RCE1: variants seen among roughly 807,000 people sequenced by gnomAD.
RCE1 encodes the protein CAAX prenyl protease 2.
Under a neutral mutation model 35.0 loss-of-function variants are expected in RCE1, and 15 were observed. The observed-to-expected ratio is 0.43, with a 90% CI of 0.29 to 0.66. RCE1 has a LOEUF of 0.66. RCE1 is among the 30% of genes least tolerant of loss of function. RCE1 has a pLI of 0.17. For missense variants in RCE1, 434 were observed against 433.0 expected, an observed-to-expected ratio of 1.00 and a Z score of -0.02; for synonymous variants, 261 against 192.7, an observed-to-expected ratio of 1.35 and a Z score of -2.94.
chr11:66,844,779 T>C, intron 4 of RCE1, 90 bp from the exon 5 acceptor site: 1 of 1,445,768 alleles, frequency 6.9e-7, no homozygotes, highest in Admixed American at 2.8e-5. Context: ...TTGGCCAGGG[T>C]AAAGTTGTGG....
At position 66,845,023 on chromosome 11, in the gene RCE1, C is replaced by G. The variant is rs773548526; in HGVS notation, c.606C>G (p.Leu202=). 4 of 1,596,608 alleles carry G rather than the reference C, an allele frequency of 2.5e-6. No individual in the cohort carries two copies. The South Asian group carries it at 3.4e-5, about 13-fold the overall frequency. The change falls in exon 5 of 8, where the codon CTC becomes CTG. Residue 202 remains leucine, a synonymous_variant. Transcript: ENST00000309657. The part of the protein sequence containing the change: ...GLGPAVFTCP[L]FFGVAHFHHI... ...GCCCTGCTGTGTTCACCTGCCCGCT[C>G]TTTTTTGGAGTTGGTGAGTCTGGCC...
In RCE1 at chr11:66,845,960, G is replaced by A. The variant is rs572617052; in HGVS notation, c.855G>A (p.Leu285=). ...ALEHPQRRPL[L]AGYALGVGLF... Reference sequence around the variant, plus strand: ...AGCACCCACAGAGGCGGCCCCTGCTGGCAGGCTATGCCCTGGGTGTGGGAC... The same window carrying A: ...AGCACCCACAGAGGCGGCCCCTGCTAGCAGGCTATGCCCTGGGTGTGGGAC... Residue 285 remains leucine, a synonymous_variant, in exon 8 of 8, where the codon CTG becomes CTA. Coordinates refer to ENST00000309657, the MANE Select transcript of RCE1 (RefSeq NM_005133.3). 1 of 1,613,814 alleles carries A rather than the reference G, an allele frequency of 6.2e-7. No homozygotes were observed. The highest frequency in any genetic ancestry group is 1.3e-5 in the African/African-American group (1 of 75,064).
At chr11:66,844,539 A>G (rs1945165257) in intron 4 of RCE1, among the ~76,000 whole-genome samples, 175 bp downstream of exon 4, 1 of 152,166 alleles carries the variant, frequency 6.6e-6, no homozygotes, top group Non-Finnish European at 1.5e-5. Flanking sequence ...TTGATTGCCA[A>G]CGTCCAAGGA....
chr11:66,843,501 C>T lies in RCE1; in HGVS notation c.46C>T (p.Arg16Trp). 6.7e-7 allele frequency: 1 copy of T among 1,487,804 alleles called. No homozygotes were observed. Among genetic ancestry groups the T allele is most frequent in the Non-Finnish European group, 8.9e-7 (1 of 1,129,554 alleles). 92.2% of individuals were successfully genotyped at this position (1,487,804 alleles called of 1,614,324 possible). A position where few individuals can be genotyped will look rare whatever the true frequency, so the allele number is the denominator to read the frequency against. ...TGGGCTGCGACTGCTGTCGGTGTCG[C>T]GGCCGGAGCGGCCGCCCGAGTCGGC... The part of the protein sequence containing the change: ...GDGLRLLSVS[R>W]PERPPESAAL... Residue 16 changes from arginine to tryptophan, a missense_variant, in exon 1 of 8, where the codon CGG becomes TGG. Physicochemically the swap from Arg to Trp is moderately radical, Grantham distance 101. Transcript: ENST00000309657.
rs1222483797 is a variant in RCE1 at position 66,845,489 on chromosome 11, C to T, written c.692-11C>T. ...TGCAGGTGTGGTCACTCGTGGCCTC[C>T]CCGTCTCCAGCGTTCCAGTTCTCCT... is the stretch of plus-strand genomic sequence containing the variant. On this transcript the variant is annotated splice_polypyrimidine_tract_variant and intron_variant, in intron 6 of 7. Coordinates refer to ENST00000309657, the MANE Select transcript of RCE1 (RefSeq NM_005133.3). 1 of 1,614,120 alleles carries T rather than the reference C, an allele frequency of 6.2e-7. No homozygotes were observed. Among genetic ancestry groups the T allele is most frequent in the Admixed American group, 1.7e-5 (1 of 60,024 alleles).
At chr11:66,843,721 C>T (rs776843939) in intron 1 of RCE1, 38 bp from the exon 2 acceptor site, 2 of 1,607,916 alleles carry the variant, frequency 1.2e-6, no homozygotes, top group South Asian at 1.1e-5. Flanking sequence ...TGCTCATGGG[C>T]AGCCGCGGGC....
chr11:66,845,387 C>A, intron 6 of RCE1, 113 bp from the exon 7 acceptor site: 1 of 1,580,456 alleles, frequency 6.3e-7, no homozygotes, highest in Non-Finnish European at 8.7e-7. Context: ...GGTGGTGGGG[C>A]AGGCAGCTAC....
chr11:66,845,688 C>G lies in RCE1; in HGVS notation c.754+126C>G, dbSNP rs1020291595. ...CCTTGAGACAGGCTGAGCCAGAGCCCTCAGCCTGGTGAGGTCTGAGAGGTG... is the reference window on the plus strand; with the variant it reads ...CCTTGAGACAGGCTGAGCCAGAGCCGTCAGCCTGGTGAGGTCTGAGAGGTG... On this transcript the variant is annotated intron_variant, in intron 7 of 7. Transcript: ENST00000309657. 7.3e-5 allele frequency: 111 copies of G among 1,527,444 alleles called. 1 individual carries two copies. Among genetic ancestry groups the G allele is most frequent in the Non-Finnish European group, 7.0e-5 (78 of 1,117,378 alleles). The allele number at this position is 1,527,444 out of a possible 1,614,324, so 94.6% of individuals were successfully genotyped here. A position where few individuals can be genotyped will look rare whatever the true frequency, so the allele number is the denominator to read the frequency against.
rs769003976 is a variant in RCE1 at position 66,846,124 on chromosome 11, T to C, written c.*29T>C. 5.8e-6 allele frequency: 9 copies of C among 1,554,644 alleles called. No homozygotes were observed. The highest frequency in any genetic ancestry group is 2.3e-5 in the East Asian group (1 of 44,272). Reference sequence around the variant, plus strand: ...ATGCTCCTGGATACGCTATGAACTCTCACCGGCTCCCCAGCCCTCCCCACC... The same window carrying C: ...ATGCTCCTGGATACGCTATGAACTCCCACCGGCTCCCCAGCCCTCCCCACC... On this transcript the variant is annotated 3_prime_UTR_variant, in exon 8 of 8. Coordinates refer to ENST00000309657, the MANE Select transcript of RCE1 (RefSeq NM_005133.3).
In RCE1 at chr11:66,846,045, T is replaced by C. The variant is rs1259785560; in HGVS notation, c.940T>C (p.Cys314Arg). The C allele has an allele frequency of 6.2e-7, 1 of 1,613,544 alleles. No homozygotes were observed. The highest frequency in any genetic ancestry group is 8.5e-7 in the Non-Finnish European group (1 of 1,179,996). The change falls in exon 8 of 8, where the codon TGT becomes CGT. Residue 314 changes from cysteine to arginine, a missense_variant. Transcript: ENST00000309657. ...DPKLYGSLPLCVLLERAGDSE... is the reference protein window; with the variant it reads ...DPKLYGSLPLRVLLERAGDSE... ...CAAGCTCTACGGCAGCCTTCCCCTT[T>C]GTGTGCTTTTGGAGCGGGCAGGGGA... is the stretch of plus-strand genomic sequence containing the variant.
intron 7 of RCE1, 103 bp from the exon 8 acceptor site, chr11:66,845,757 G>T (rs969343683): frequency 6.7e-7 from 1 of 1,499,652 alleles, no homozygotes; most frequent in African/African-American, 1.4e-5. Context: ...GGCTGGGGTA[G>T]TGGGATCTTG....
At position 66,843,582 on chromosome 11, in the gene RCE1, C is replaced by G. The variant is rs759671551; in HGVS notation, c.127C>G (p.Leu43Val). Residue 43 changes from leucine (L) to valine (V), a missense_variant, in exon 1 of 8, where the codon CTC becomes GTC. By Grantham distance (32) the Leu-to-Val change is conservative. Transcript: ENST00000309657. Reference sequence around the variant, plus strand: ...CTGCTGGGTGTCAGTGTTCTCCTGCCTCAGCCTCGCCTGCTCCTACGTGGG... The same window carrying G: ...CTGCTGGGTGTCAGTGTTCTCCTGCGTCAGCCTCGCCTGCTCCTACGTGGG... Reference protein sequence around the residue: ...LCCWVSVFSCLSLACSYVGSL... With the variant: ...LCCWVSVFSCVSLACSYVGSL... The G allele has an allele frequency of 6.3e-7, 1 of 1,586,216 alleles. No individual in the cohort carries two copies. Among genetic ancestry groups the G allele is most frequent in the South Asian group, 1.1e-5 (1 of 88,994 alleles).
At chr11:66,844,725 G>T in intron 4 of RCE1, 144 bp from the exon 5 acceptor site, 1 of 1,207,576 alleles carries the variant, frequency 8.3e-7, no homozygotes, top group South Asian at 1.8e-5. Flanking sequence ...GTTTATGTTG[G>T]GTCCACACCC....
chr11:66,843,734 C>G (rs1315007975), intron 1 of RCE1, 25 bp from the exon 2 acceptor site: 1 of 1,611,392 alleles, frequency 6.2e-7, no homozygotes, highest in Non-Finnish European at 8.5e-7. Context: ...CCGCGGGCCC[C>G]CTGAACTTAC....
At chr11:66,844,506 T>A in intron 4 of RCE1, 142 bp downstream of exon 4, 1 of 1,185,634 alleles carries the variant, frequency 8.4e-7, no homozygotes, top group Non-Finnish European at 1.2e-6. Context: ...AATGGAAACA[T>A]AGAGCTAGGT....
In RCE1 at chr11:66,845,485, C is replaced by T; in HGVS notation, c.692-15C>T. 1 of 1,614,106 alleles carries T rather than the reference C, an allele frequency of 6.2e-7. No individual in the cohort carries two copies. Among genetic ancestry groups the T allele is most frequent in the Non-Finnish European group, 8.5e-7 (1 of 1,180,008 alleles). On this transcript the variant is annotated splice_polypyrimidine_tract_variant and intron_variant, in intron 6 of 7. Transcript: ENST00000309657. Reference sequence around the variant, plus strand: ...GGCGTGCAGGTGTGGTCACTCGTGGCCTCCCCGTCTCCAGCGTTCCAGTTC... The same window carrying T: ...GGCGTGCAGGTGTGGTCACTCGTGGTCTCCCCGTCTCCAGCGTTCCAGTTC...
intron 4 of RCE1, 89 bp from the exon 5 acceptor site, chr11:66,844,780 A>T (rs536534375): frequency 3.5e-6 from 5 of 1,448,000 alleles, no homozygotes; most frequent in Non-Finnish European, 4.5e-6. Context: ...TGGCCAGGGT[A>T]AAGTTGTGGG....
At position 66,846,243 on chromosome 11, in the gene RCE1, C is replaced by G; in HGVS notation, c.*148C>G. The G allele has an allele frequency of 9.7e-7, 1 of 1,030,240 alleles. No homozygotes were observed. Among genetic ancestry groups the G allele is most frequent in the Non-Finnish European group, 1.4e-6 (1 of 730,838 alleles). 63.8% of individuals were successfully genotyped at this position (1,030,240 alleles called of 1,614,324 possible). A position where few individuals can be genotyped will look rare whatever the true frequency, so the allele number is the denominator to read the frequency against. ...GCCAGAGCTAGTTGCGTCCCAGGGA[C>G]CAAGAGAAAGAAGCAGATATCCAAA... On this transcript the variant is annotated 3_prime_UTR_variant, in exon 8 of 8. Coordinates refer to ENST00000309657, the MANE Select transcript of RCE1 (RefSeq NM_005133.3).
Position 66,845,953 on chromosome 11 carries a change from C to T in RCE1, c.848C>T (p.Pro283Leu). Reference sequence around the variant, plus strand: ...GCCTTGGAGCACCCACAGAGGCGGCCCCTGCTGGCAGGCTATGCCCTGGGT... The same window carrying T: ...GCCTTGGAGCACCCACAGAGGCGGCTCCTGCTGGCAGGCTATGCCCTGGGT... ...CAALEHPQRR[P>L]LLAGYALGVG... Residue 283 changes from proline (P) to leucine (L), a missense_variant, in exon 8 of 8, where the codon CCC (proline) becomes CTC (leucine). Physicochemically the swap from Pro to Leu is moderately conservative, Grantham distance 98 (BLOSUM62 -3). Coordinates refer to ENST00000309657, the MANE Select transcript of RCE1 (RefSeq NM_005133.3). 6.2e-7 allele frequency: 1 copy of T among 1,613,794 alleles called. No homozygotes were observed. Among genetic ancestry groups the T allele is most frequent in the Non-Finnish European group, 8.5e-7 (1 of 1,180,028 alleles).
Sources: gnomAD v4.1 joint callset for allele counts (sites outside exome capture counted in the v4.1 genomes callset) on GRCh38, gnomAD v4.1.1 for gene constraint, MANE v1.5 for transcripts, NCBI Gene and HGNC (gene_info 2026-07-23, HGNC 2026-07-21) for gene names.